DNAJC2: variants seen among roughly 807,000 people sequenced by gnomAD.
DNAJC2 encodes DnaJ heat shock protein family (Hsp40) member C2.
DNAJC2 carries 32 observed loss-of-function variants against 94.0 expected under a neutral mutation model. That is an observed-to-expected ratio of 0.34 (90% CI 0.26 to 0.46). DNAJC2 has a LOEUF of 0.46. Ranked by LOEUF, DNAJC2 falls within the 20% of genes least tolerant of loss-of-function variation. DNAJC2 has a pLI of 1.00. For synonymous variants in DNAJC2, 210 were observed against 229.7 expected (o/e 0.91, Z 0.77); for missense variants, 550 against 719.5 (o/e 0.76, Z 2.69).
chr7:103,334,995 G>A lies in DNAJC2; in HGVS notation c.331+2741C>T, dbSNP rs550935453. On this transcript the variant is annotated intron_variant, in intron 3 of 16. Coordinates refer to ENST00000379263, the MANE Select transcript of DNAJC2 (RefSeq NM_014377.3). Reference sequence around the variant, plus strand: ...ATTACAGGCATGCGTCTCCATGCCCGCCTAATTTTTATATTTTTAGTAGAG... The same window carrying A: ...ATTACAGGCATGCGTCTCCATGCCCACCTAATTTTTATATTTTTAGTAGAG... 6.6e-5 allele frequency among the ~76,000 whole-genome samples: 10 copies of A among 151,960 alleles called. No individual in the cohort carries two copies. In the East Asian group the frequency reaches 1.2e-3, roughly 18 times the overall value.
chr7:103,342,202 T>C (rs1265170388), intron 1 of DNAJC2, among the ~76,000 whole-genome samples: 2 of 152,194 alleles, frequency 1.3e-5, no homozygotes, highest in Non-Finnish European at 1.5e-5. Flanking sequence ...AAAAACTCAG[T>C]AATGTCAATG....
chr7:103,324,373 A>C (rs866865735), intron 6 of DNAJC2, 109 bp downstream of exon 6: 69 of 971,816 alleles, frequency 7.1e-5, no homozygotes, highest in South Asian at 6.9e-4. Flanking sequence ...TTGTTCAGTG[A>C]AGGTTCTGCA....
At chr7:103,336,459 T>G (rs1819178120) in intron 3 of DNAJC2, 1 of 152,268 alleles carries the variant, frequency 6.6e-6, no homozygotes, top group Non-Finnish European at 1.5e-5. Flanking sequence ...TTCTCCTGCC[T>G]CAGCCTCCCA....
chr7:103,326,438 T>TA, intron 5 of DNAJC2, 105 bp downstream of exon 5: 1 of 1,162,590 alleles, frequency 8.6e-7, no homozygotes, highest in Non-Finnish European at 1.3e-6. Context: ...ACAGTGGAAA[T>TA]AATCTATAAA....
chr7:103,320,830 CTT>C (rs745754898), intron 10 of DNAJC2: 7,876 of 113,396 alleles, frequency 0.069, 237 homozygotes, highest in African/African-American at 0.18. Context: ...CTCAGCATGT[CTT>C]TTTTTTTTTT....
At chr7:103,344,396 G>A (rs1819515410) in intron 1 of DNAJC2, 163 bp downstream of exon 1, 2 of 704,614 alleles carry the variant, frequency 2.8e-6, no homozygotes, top group Non-Finnish European at 4.8e-6. Context: ...TCTAGGGTAG[G>A]ATTACTTTAA....
chr7:103,325,377 C>T (rs769030607), intron 5 of DNAJC2, among the ~76,000 whole-genome samples: 14 of 151,140 alleles, frequency 9.3e-5, no homozygotes, highest in African/African-American at 1.5e-4. Flanking sequence ...GCAGAGGTTG[C>T]GGTGAGCCGA....
intron 12 of DNAJC2, 144 bp from the exon 13 acceptor site, chr7:103,317,158 A>C (rs1050721141): frequency 3.3e-5 from 23 of 695,118 alleles, no homozygotes; most frequent in South Asian, 9.9e-5. Context: ...ACCCAAAAAG[A>C]AGCACCAGCT....
At position 103,312,741 on chromosome 7, in the gene DNAJC2, T is replaced by C. The variant is rs539852099; in HGVS notation, c.1792-98A>G. 1,868 of 1,547,426 alleles carry C rather than the reference T, an allele frequency of 1.2e-3. 1 individual carries two copies. Among genetic ancestry groups the C allele is most frequent in the Non-Finnish European group, 1.5e-3 (1,732 of 1,155,658 alleles). On this transcript the variant is annotated intron_variant, in intron 16 of 16. Transcript: ENST00000379263. ...AAAGAATTCAAGCAACTAAGATAGA[T>C]AGTACTAAATATACTGATTTCATTA...
chr7:103,314,323 A>T (rs1817924824), intron 15 of DNAJC2: 1 of 985,314 alleles, frequency 1.0e-6, no homozygotes, highest in Admixed American at 6.1e-5. Flanking sequence ...AGAAATCACT[A>T]TTCAAAAAAT....
intron 6 of DNAJC2, among the ~76,000 whole-genome samples, chr7:103,324,150 A>G (rs566825721): frequency 9.4e-4 from 143 of 152,366 alleles, no homozygotes; most frequent in Non-Finnish European, 1.6e-3. Flanking sequence ...CATATTAAAA[A>G]TTAGTGAATT....
At chr7:103,325,802 TATAA>T (rs1379012829) in intron 5 of DNAJC2, among the ~76,000 whole-genome samples, 3 of 152,226 alleles carry the variant, frequency 2.0e-5, no homozygotes, top group East Asian at 1.9e-4. Context: ...TAATCGTAAC[TATAA>T]ATAATGTTTT....
chr7:103,342,890 G>A (rs1385746317), intron 1 of DNAJC2, among the ~76,000 whole-genome samples: 1 of 152,158 alleles, frequency 6.6e-6, no homozygotes, highest in Non-Finnish European at 1.5e-5. Context: ...TTACAGGCGT[G>A]AGCCACCGCG....
intron 2 of DNAJC2, among the ~76,000 whole-genome samples, chr7:103,338,195 A>C (rs1374886873): frequency 6.6e-6 from 1 of 151,170 alleles, no homozygotes. Context: ...ACTTGAGTCT[A>C]GTAAGTAGAG....
chr7:103,318,923 TAAAC>T (rs1818225307), intron 12 of DNAJC2, among the ~76,000 whole-genome samples: 1 of 152,256 alleles, frequency 6.6e-6, no homozygotes, highest in African/African-American at 2.4e-5. Context: ...CCTTACTACA[TAAAC>T]AAAATGCAGA....
At position 103,315,842 on chromosome 7, in the gene DNAJC2, TTTTA is replaced by T; in HGVS notation, c.1554_1557del (p.Asn518LysfsTer48). 1 of 1,613,650 alleles carries T rather than the reference TTTTA, an allele frequency of 6.2e-7. No individual in the cohort carries two copies. ...TCTTTTTTGAACTTATCAAATGCCT[TTTTA>T]TTTATGTCATCTTTTTGATGAGGGT... On this transcript the variant is annotated frameshift_variant, in exon 15 of 17. Coordinates refer to ENST00000379263, the MANE Select transcript of DNAJC2 (RefSeq NM_014377.3). LOFTEE classifies it high-confidence loss of function.
intron 2 of DNAJC2, among the ~76,000 whole-genome samples, chr7:103,340,355 G>A (rs1819330726): frequency 6.6e-6 from 1 of 152,162 alleles, no homozygotes; most frequent in African/African-American, 2.4e-5. Context: ...GAGGTGGTGG[G>A]AGAATCAGCT....
In DNAJC2 at chr7:103,344,545, G is replaced by A. The variant is rs1410372480; in HGVS notation, c.64+14C>T. The A allele has an allele frequency of 1.2e-6, 2 of 1,613,640 alleles. No homozygotes were observed. The highest frequency in any genetic ancestry group is 1.3e-5 in the African/African-American group (1 of 74,938). On this transcript the variant is annotated intron_variant, in intron 1 of 16. Transcript: ENST00000379263. ...GCTGAGGTGAGAAGGAACCGAGGTTGGGTGGGCACTTACCAGAGGTCAGAG... is the reference window on the plus strand; with the variant it reads ...GCTGAGGTGAGAAGGAACCGAGGTTAGGTGGGCACTTACCAGAGGTCAGAG...
intron 15 of DNAJC2, 100 bp from the exon 16 acceptor site, chr7:103,313,201 G>T: frequency 6.8e-7 from 1 of 1,475,742 alleles, no homozygotes; most frequent in Non-Finnish European, 8.9e-7. Context: ...TTCAATCTGG[G>T]ATGTGTCATT....
Sources: gnomAD v4.1 joint callset for allele counts (sites outside exome capture counted in the v4.1 genomes callset) on GRCh38, gnomAD v4.1.1 for gene constraint, MANE v1.5 for transcripts, NCBI Gene and HGNC (gene_info 2026-07-23, HGNC 2026-07-21) for gene names.